The following MGAT4A variants were observed in gnomAD, a reference collection of about 807,000 sequenced individuals.
MGAT4A encodes the protein alpha-1,3-mannosyl-glycoprotein 4-beta-N-acetylglucosaminyltransferase A, also known as N-acetylglucosaminyltransferase IVa.
A neutral mutation model predicts 74.1 loss-of-function variants in MGAT4A; 33 were observed. That is an observed-to-expected ratio of 0.45 (90% CI 0.34 to 0.60). The LOEUF is 0.60. MGAT4A is among the 20% of genes least tolerant of loss of function. The probability of loss-of-function intolerance (pLI) is 0.02; values close to 1 mark genes in which losing one functional copy is unlikely to be tolerated. For missense variants in MGAT4A, 479 were observed against 628.3 expected, an observed-to-expected ratio of 0.76 and a Z score of 2.54; for synonymous variants, 198 against 210.4, an observed-to-expected ratio of 0.94 and a Z score of 0.51.
intron 1 of MGAT4A, among the ~76,000 whole-genome samples, chr2:98,730,590 C>A (rs1439917565): frequency 1.3e-5 from 2 of 151,150 alleles, no homozygotes; most frequent in African/African-American, 2.4e-5. Context: ...TCCCGCGCAG[C>A]CCCCGGGTCC....
At chr2:98,709,126 T>C (rs1702480245) in intron 2 of MGAT4A, among the ~76,000 whole-genome samples, 2 of 152,194 alleles carry the variant, frequency 1.3e-5, no homozygotes. Flanking sequence ...TGTCTTCATG[T>C]CAAACAGGGA....
At chr2:98,660,416 GCGCACACACACACACA>G (rs1184715397) in intron 5 of MGAT4A, among the ~76,000 whole-genome samples, 1,302 of 84,932 alleles carry the variant, frequency 0.015, 22 homozygotes, top group African/African-American at 0.04. Context: ...ACACACGCAC[GCGCACACACACACACA>G]CACACACACA....
intron 3 of MGAT4A, among the ~76,000 whole-genome samples, chr2:98,676,621 A>G (rs1038534286): frequency 6.6e-6 from 1 of 152,160 alleles, no homozygotes; most frequent in Non-Finnish European, 1.5e-5. Context: ...ACTAGGGGGG[A>G]AAAACAACCC....
At chr2:98,643,732 A>T (rs1701447078) in intron 10 of MGAT4A, among the ~76,000 whole-genome samples, 191 bp downstream of exon 10, 1 of 152,264 alleles carries the variant, frequency 6.6e-6, no homozygotes, top group African/African-American at 2.4e-5. Context: ...GTCATCTTGT[A>T]ACAGCTTCCT....
chr2:98,726,957 A>T (rs1702774001), intron 1 of MGAT4A: 1 of 151,946 alleles, frequency 6.6e-6, no homozygotes, highest in African/African-American at 2.4e-5. Context: ...AATTTTTTTA[A>T]TAAGAAAATT....
rs1357422834 is a variant in MGAT4A at position 98,624,688 on chromosome 2, G to C, written c.*878C>G. The C allele has an allele frequency of 7.1e-6, 7 of 982,160 alleles. No homozygotes were observed. The highest frequency in any genetic ancestry group is 8.5e-6 in the Non-Finnish European group (7 of 826,936). 60.8% of individuals were successfully genotyped at this position (982,160 alleles called of 1,614,324 possible). A position where few individuals can be genotyped will look rare whatever the true frequency, so the allele number is the denominator to read the frequency against. ...GACAAAGATTAAAAAGGAAAGAAGA[G>C]TTTGTCATTTTACATATCAGAGGAA... On this transcript the variant is annotated 3_prime_UTR_variant, in exon 16 of 16. Coordinates refer to ENST00000393487, the MANE Select transcript of MGAT4A (RefSeq NM_012214.3).
At chr2:98,638,384 A>G (rs1180644387) in intron 12 of MGAT4A, among the ~76,000 whole-genome samples, 3 of 152,244 alleles carry the variant, frequency 2.0e-5, no homozygotes, top group African/African-American at 7.2e-5. Flanking sequence ...CTATAAAGTT[A>G]TAAAATTTGC....
At chr2:98,716,176 C>T (rs553933477) in intron 2 of MGAT4A, among the ~76,000 whole-genome samples, 3 of 151,436 alleles carry the variant, frequency 2.0e-5, no homozygotes, top group Non-Finnish European at 2.9e-5. Context: ...TGCAATTAGC[C>T]GGGCATGGTA....
At chr2:98,711,068 ACT>A (rs935747114) in intron 2 of MGAT4A, among the ~76,000 whole-genome samples, 9 of 152,124 alleles carry the variant, frequency 5.9e-5, no homozygotes, top group African/African-American at 1.9e-4. Flanking sequence ...GAAGAAAAAA[ACT>A]CTAAGTGGCC....
At chr2:98,636,686 T>C in intron 12 of MGAT4A, 91 bp from the exon 13 acceptor site, 1 of 1,060,236 alleles carries the variant, frequency 9.4e-7, no homozygotes, top group Non-Finnish European at 1.4e-6. Flanking sequence ...TCAGCTTTTC[T>C]ACACAAGACT....
rs1399512 is a variant in MGAT4A at position 98,719,084 on chromosome 2, T to C, written c.94+7155A>G. On this transcript the variant is annotated intron_variant, in intron 2 of 15. Coordinates refer to ENST00000393487, the MANE Select transcript of MGAT4A (RefSeq NM_012214.3). The stretch of plus-strand genomic sequence containing the variant: ...GCTTGTGGTGAGAGAATGGGGAGAA[T>C]TGTGGATCTAGTGAAGATACGGCCT... Among the ~76,000 whole-genome samples, 229 of 152,146 alleles carry C rather than the reference T, an allele frequency of 1.5e-3. 1 individual carries two copies. Among genetic ancestry groups the C allele is most frequent in the African/African-American group, 4.4e-3 (182 of 41,496 alleles).
At chr2:98,688,990 C>T (rs1201222842) in intron 2 of MGAT4A, among the ~76,000 whole-genome samples, 2 of 151,998 alleles carry the variant, frequency 1.3e-5, no homozygotes, top group Non-Finnish European at 2.9e-5. Context: ...AATTACTTTA[C>T]AATTTTATAA....
At chr2:98,642,072 A>G (rs1019605466) in intron 10 of MGAT4A, among the ~76,000 whole-genome samples, 2 of 152,152 alleles carry the variant, frequency 1.3e-5, no homozygotes, top group African/African-American at 2.4e-5. Flanking sequence ...CTACTTCTCA[A>G]GAGGTTTCAC....
chr2:98,702,723 T>C (rs1702370327), intron 2 of MGAT4A, among the ~76,000 whole-genome samples: 1 of 152,174 alleles, frequency 6.6e-6, no homozygotes, highest in Non-Finnish European at 1.5e-5. Context: ...GACCAATCTT[T>C]ACTGAACACT....
chr2:98,657,139 C>A (rs899489281), intron 6 of MGAT4A, among the ~76,000 whole-genome samples: 1 of 152,160 alleles, frequency 6.6e-6, no homozygotes, highest in African/African-American at 2.4e-5. Flanking sequence ...GGTTAAGAAC[C>A]CTTTCTAAAG....
chr2:98,646,763 A>T (rs1383425192), intron 8 of MGAT4A, among the ~76,000 whole-genome samples: 1 of 152,238 alleles, frequency 6.6e-6, no homozygotes, highest in Non-Finnish European at 1.5e-5. Flanking sequence ...AATCAAATGT[A>T]TTTTAAATAT....
At chr2:98,639,239 T>C (rs1701367985) in intron 12 of MGAT4A, among the ~76,000 whole-genome samples, 1 of 151,862 alleles carries the variant, frequency 6.6e-6, no homozygotes, top group Admixed American at 6.6e-5. Flanking sequence ...ATGAGCTACA[T>C]TGCACCATTG....
intron 6 of MGAT4A, 51 bp downstream of exon 6, chr2:98,658,167 G>C: frequency 8.4e-7 from 1 of 1,187,466 alleles, no homozygotes; most frequent in Non-Finnish European, 1.2e-6. Flanking sequence ...AGAAACCCAA[G>C]AGATAATAGT....
intron 3 of MGAT4A, among the ~76,000 whole-genome samples, chr2:98,677,324 C>A (rs1188939023): frequency 6.6e-6 from 1 of 152,184 alleles, no homozygotes; most frequent in African/African-American, 2.4e-5. Context: ...CTGAAGTCCA[C>A]ACATAAGTCA....
Sources: gnomAD v4.1 joint callset for allele counts (sites outside exome capture counted in the v4.1 genomes callset) on GRCh38, gnomAD v4.1.1 for gene constraint, MANE v1.5 for transcripts, NCBI Gene and HGNC (gene_info 2026-07-23, HGNC 2026-07-21) for gene names.